Variants in SMO observed in about 807,000 individuals in gnomAD.
SMO encodes smoothened, frizzled class receptor, also known as protein smoothened.
Under a neutral mutation model 81.6 loss-of-function variants are expected in SMO, and 40 were observed. The ratio of observed to expected loss-of-function variants is 0.49; its 90% CI spans 0.38 to 0.64. The LOEUF is 0.64. Ranked by LOEUF, SMO falls within the 30% of genes least tolerant of loss-of-function variation. The probability of loss-of-function intolerance (pLI) is 0.00; values close to 1 mark genes in which losing one functional copy is unlikely to be tolerated. For missense variants in SMO, 916 were observed against 1,061.1 expected, an observed-to-expected ratio of 0.86 and a Z score of 1.90; for synonymous variants, 434 against 432.1, an observed-to-expected ratio of 1.00 and a Z score of -0.05.
At position 129,203,517 on chromosome 7, in the gene SMO, C is replaced by A. The variant is rs1210738219; in HGVS notation, c.465C>A (p.Ala155=). The change falls in exon 2 of 12, where the codon GCC becomes GCA. Residue 155 remains alanine, a synonymous_variant. Transcript: ENST00000249373. The part of the protein sequence containing the change: ...TLCQATRGPC[A]IVERERGWPD... ...GCCAGGCCACCCGAGGCCCCTGTGC[C>A]ATCGTGGAGAGGGAGCGGGGCTGGC... 1.9e-6 allele frequency: 3 copies of A among 1,608,086 alleles called. No individual in the cohort carries two copies. The Admixed American group carries it at 5.0e-5, about 27-fold the overall frequency.
At position 129,209,293 on chromosome 7, in the gene SMO, T is replaced by A. The variant is rs774551445; in HGVS notation, c.1362T>A (p.Ile454=). ...KINETMLRLG[I]FGFLAFGFVL... ...TCCTGCCCCTGTCCTCCACAGGCAT[T>A]TTTGGCTTCCTGGCCTTTGGCTTTG... The change falls in exon 8 of 12, where the codon ATT becomes ATA. Residue 454 remains isoleucine (I), a synonymous_variant. Transcript: ENST00000249373. 1 of 1,609,888 alleles carries A rather than the reference T, an allele frequency of 6.2e-7. No individual in the cohort carries two copies. Among genetic ancestry groups the A allele is most frequent in the Non-Finnish European group, 8.5e-7 (1 of 1,176,134 alleles).
At position 129,189,206 on chromosome 7, in the gene SMO, C is replaced by T. The variant is rs551830801; in HGVS notation, c.55C>T (p.Leu19=). 1 of 1,156,586 alleles carries T rather than the reference C, an allele frequency of 8.6e-7. No individual in the cohort carries two copies. The highest frequency in any genetic ancestry group is 1.1e-6 in the Non-Finnish European group (1 of 922,366). 71.6% of individuals were successfully genotyped at this position (1,156,586 alleles called of 1,614,324 possible). A position where few individuals can be genotyped will look rare whatever the true frequency, so the allele number is the denominator to read the frequency against. Residue 19 remains leucine, a synonymous_variant, in exon 1 of 12, where the codon CTG becomes TTG. Transcript: ENST00000249373. This position sits in a 1 kb window ranked among gnomAD's most constrained non-coding sequence, Gnocchi z 4.7. ...GPELPLLGLL[L]LLLLGDPGRG... ...GGAGCTCCCGCTCCTGGGGCTGCTGCTGCTGCTGCTGCTGGGGGACCCGGG... is the reference window on the plus strand; with the variant it reads ...GGAGCTCCCGCTCCTGGGGCTGCTGTTGCTGCTGCTGCTGGGGGACCCGGG...
chr7:129,192,826 T>C (rs1487127918), intron 1 of SMO, among the ~76,000 whole-genome samples: 1 of 152,186 alleles, frequency 6.6e-6, no homozygotes, highest in Non-Finnish European at 1.5e-5. Flanking sequence ...AGATGCTCAT[T>C]GGACATCTAT....
rs771269242 is a variant in SMO at position 129,206,436 on chromosome 7, C to A, written c.1141-28C>A. ...TTTGAGGGAGGGGGCCAGTAACCCA[C>A]CTTCTGTCCCACCCCTTCCTGCTGC... is the stretch of plus-strand genomic sequence containing the variant. On this transcript the variant is annotated intron_variant, in intron 5 of 11. Transcript: ENST00000249373. The surrounding 1 kb of genome is among the most constrained non-coding windows in gnomAD (Gnocchi z 4.4). 6.2e-7 allele frequency: 1 copy of A among 1,614,036 alleles called. No homozygotes were observed. Among genetic ancestry groups the A allele is most frequent in the South Asian group, 1.1e-5 (1 of 91,080 alleles).
At chr7:129,196,327 T>TTGTGTGTGTGTG (rs57674265) in intron 1 of SMO, among the ~76,000 whole-genome samples, 72 of 145,128 alleles carry the variant, frequency 5.0e-4, no homozygotes, top group African/African-American at 1.6e-3. Flanking sequence ...CTATTCTTGA[T>TTGTGTGTGTGTG]TGTGTGTGTG....
chr7:129,193,315 T>G (rs1793506207), intron 1 of SMO, among the ~76,000 whole-genome samples: 1 of 152,112 alleles, frequency 6.6e-6, no homozygotes, highest in South Asian at 2.1e-4. Flanking sequence ...AGACAAAGGC[T>G]GGGAGGAATT....
rs529619010 is a variant in SMO at position 129,191,167 on chromosome 7, A to G, written c.331+1685A>G. On this transcript the variant is annotated intron_variant, in intron 1 of 11. Coordinates refer to ENST00000249373, the MANE Select transcript of SMO (RefSeq NM_005631.5). ...TGTCCCTCTCTTTATTGATTGTGCA[A>G]GGACCCATGGTTTAATTTTCCCAAG... 4.6e-5 allele frequency among the ~76,000 whole-genome samples: 7 copies of G among 152,318 alleles called. No individual in the cohort carries two copies. In the South Asian group the frequency reaches 1.4e-3, roughly 32 times the overall value.
chr7:129,201,065 G>A (rs1465116740), intron 1 of SMO, among the ~76,000 whole-genome samples: 1 of 151,136 alleles, frequency 6.6e-6, no homozygotes, highest in Non-Finnish European at 1.5e-5. Context: ...TTTATTTTTC[G>A]AGACGGGGCC....
chr7:129,201,049 A>ATTTTTTTTAT (rs1793660598), intron 1 of SMO, among the ~76,000 whole-genome samples: 1 of 150,294 alleles, frequency 6.7e-6, no homozygotes, highest in Non-Finnish European at 1.5e-5. Context: ...CACAACCTTT[A>ATTTTTTTTAT]TTTTTTTTAT....
intron 1 of SMO, among the ~76,000 whole-genome samples, chr7:129,198,088 G>C (rs1254192773): frequency 6.6e-6 from 1 of 151,692 alleles, no homozygotes; most frequent in Non-Finnish European, 1.5e-5. Context: ...TCTTTATTTT[G>C]TTTTTAAGCT....
chr7:129,211,237 C>A lies in SMO; in HGVS notation c.1801+124C>A. The A allele has an allele frequency of 9.7e-7, 1 of 1,033,964 alleles. No homozygotes were observed. The highest frequency in any genetic ancestry group is 1.4e-6 in the Non-Finnish European group (1 of 690,650). 64.0% of individuals were successfully genotyped at this position (1,033,964 alleles called of 1,614,324 possible). On this transcript the variant is annotated intron_variant, in intron 10 of 11. Transcript: ENST00000249373. The surrounding 1 kb of genome is among the most constrained non-coding windows in gnomAD (Gnocchi z 4.6). ...CCGACTGTGAGGAGCAAGGCGCTCC[C>A]TCCATCGCTCACACACCCATTCTTC...
At chr7:129,190,579 T>C (rs1343560434) in intron 1 of SMO, among the ~76,000 whole-genome samples, 1 of 152,224 alleles carries the variant, frequency 6.6e-6, no homozygotes, top group Non-Finnish European at 1.5e-5. Flanking sequence ...AGGACCCTAA[T>C]GTAGGGAGTG....
intron 1 of SMO, among the ~76,000 whole-genome samples, chr7:129,192,715 G>C (rs1486376321): frequency 6.6e-6 from 1 of 152,222 alleles, no homozygotes. Flanking sequence ...TTCAGGCTTG[G>C]ATGGAAGGTG....
intron 1 of SMO, among the ~76,000 whole-genome samples, chr7:129,192,586 C>T (rs978942097): frequency 2.6e-5 from 4 of 152,032 alleles, no homozygotes; most frequent in Non-Finnish European, 5.9e-5. Flanking sequence ...GAGACGATGG[C>T]GGTTGGGACT....
chr7:129,190,262 T>C (rs1054312529), intron 1 of SMO, among the ~76,000 whole-genome samples: 3 of 152,306 alleles, frequency 2.0e-5, no homozygotes, highest in Middle Eastern at 3.4e-3. Context: ...GACACTTCCA[T>C]GGTGGTTTGA....
In SMO at chr7:129,210,932, T is replaced by C. The variant is rs1793858461; in HGVS notation, c.1653-33T>C. 4.5e-6 allele frequency: 7 copies of C among 1,551,892 alleles called. No individual in the cohort carries two copies. Among genetic ancestry groups the C allele is most frequent in the South Asian group, 3.7e-5 (3 of 82,108 alleles). On this transcript the variant is annotated intron_variant, in intron 9 of 11. Coordinates refer to ENST00000249373, the MANE Select transcript of SMO (RefSeq NM_005631.5). The surrounding 1 kb of genome is among the most constrained non-coding windows in gnomAD (Gnocchi z 4.7). The stretch of plus-strand genomic sequence containing the variant: ...AGATTTGATGGGAAGTGGCAGCTTC[T>C]TCACGCTCCTTCCCTATCCCTTCTG...
intron 1 of SMO, among the ~76,000 whole-genome samples, chr7:129,194,442 A>G (rs1793537653): frequency 1.3e-5 from 2 of 152,208 alleles, no homozygotes; most frequent in Admixed American, 6.5e-5. Flanking sequence ...TGCATAAAAC[A>G]CAAAGGTACT....
intron 1 of SMO, among the ~76,000 whole-genome samples, chr7:129,202,434 C>G (rs1398598774): frequency 2.6e-5 from 4 of 152,184 alleles, no homozygotes; most frequent in Non-Finnish European, 5.9e-5. Flanking sequence ...CCCATGTTGG[C>G]TCTCACATCC....
At chr7:129,209,212 G>A in intron 7 of SMO, 77 bp from the exon 8 acceptor site, 1 of 861,808 alleles carries the variant, frequency 1.2e-6, no homozygotes. Flanking sequence ...GAGGCCCAGT[G>A]GGGCAGACTC....
Sources: gnomAD v4.1 joint callset for allele counts (sites outside exome capture counted in the v4.1 genomes callset) on GRCh38, gnomAD v4.1.1 for gene constraint, Gnocchi (gnomAD v3.1) non-coding constraint, MANE v1.5 for transcripts, NCBI Gene and HGNC (gene_info 2026-07-23, HGNC 2026-07-21) for gene names.